The following RHOJ variants were observed in gnomAD, a reference collection of about 807,000 sequenced individuals.
The protein encoded by RHOJ is ras homolog family member J, also known as rho-related GTP-binding protein RhoJ.
RHOJ carries 11 observed loss-of-function variants against 23.4 expected under a neutral mutation model. The observed-to-expected ratio is 0.47, with a 90% CI of 0.30 to 0.78. The LOEUF is 0.78. Among genes scored for constraint, RHOJ ranks in the 30% least tolerant of loss-of-function variants. RHOJ has a pLI of 0.08. For synonymous variants in RHOJ, 102 were observed against 102.7 expected, an observed-to-expected ratio of 0.99 and a Z score of 0.04; for missense variants, 254 against 273.4, an observed-to-expected ratio of 0.93 and a Z score of 0.50.
chr14:63,210,178 T>G (rs1022495986), intron 1 of RHOJ, among the ~76,000 whole-genome samples: 1 of 152,022 alleles, frequency 6.6e-6, no homozygotes, highest in Non-Finnish European at 1.5e-5. Context: ...GCCAGGATGG[T>G]CTTGATCTCT....
intron 1 of RHOJ, among the ~76,000 whole-genome samples, chr14:63,229,611 G>A (rs1345160698): frequency 2.6e-5 from 4 of 152,068 alleles, no homozygotes; most frequent in Non-Finnish European, 5.9e-5. Context: ...TTTGACACAT[G>A]GCCCCCTCCA....
In RHOJ at chr14:63,204,695, A is replaced by C. The variant is rs1405250748; in HGVS notation, c.-175A>C. The C allele has an allele frequency of 1.6e-6, 1 of 630,966 alleles. No individual in the cohort carries two copies. Among genetic ancestry groups the C allele is most frequent in the Non-Finnish European group, 2.8e-6 (1 of 360,566 alleles). The allele number at this position is 630,966 out of a possible 1,614,324, so 39.1% of individuals were successfully genotyped here. A position where few individuals can be genotyped will look rare whatever the true frequency, so the allele number is the denominator to read the frequency against. ...CAAGTGTGTGTTACCTTTCTTTACCAGCATGGTAAGCAACAGGACATATCC... is the reference window on the plus strand; with the variant it reads ...CAAGTGTGTGTTACCTTTCTTTACCCGCATGGTAAGCAACAGGACATATCC... On this transcript the variant is annotated 5_prime_UTR_variant, in exon 1 of 5. Transcript: ENST00000316754.
intron 1 of RHOJ, among the ~76,000 whole-genome samples, chr14:63,252,556 G>A (rs1895090982): frequency 6.6e-6 from 1 of 152,090 alleles, no homozygotes; most frequent in Non-Finnish European, 1.5e-5. Flanking sequence ...TTAACCCCAA[G>A]AAAAACATCC....
chr14:63,278,912 G>A (rs1021935168), intron 2 of RHOJ, among the ~76,000 whole-genome samples: 5 of 152,166 alleles, frequency 3.3e-5, no homozygotes, highest in Non-Finnish European at 7.4e-5. Context: ...CTTGAGCCCG[G>A]CAGTCTGAAG....
chr14:63,238,504 C>T (rs1894829021), intron 1 of RHOJ, among the ~76,000 whole-genome samples: 1 of 152,152 alleles, frequency 6.6e-6, no homozygotes, highest in Non-Finnish European at 1.5e-5. Flanking sequence ...GCAACTTCTG[C>T]CTTCCAGGCT....
intron 1 of RHOJ, among the ~76,000 whole-genome samples, chr14:63,225,922 A>G (rs1468712027): frequency 6.6e-6 from 1 of 152,220 alleles, no homozygotes; most frequent in African/African-American, 2.4e-5. Context: ...GGCTTCAGGA[A>G]GAATAATGCA....
intron 2 of RHOJ, among the ~76,000 whole-genome samples, chr14:63,270,635 T>C (rs1035198968): frequency 3.9e-5 from 6 of 152,324 alleles, no homozygotes; most frequent in Middle Eastern, 3.4e-3. Context: ...AGTTGCCTGC[T>C]CTAATTCACT....
At chr14:63,219,055 A>G (rs554308058) in intron 1 of RHOJ, among the ~76,000 whole-genome samples, 15 of 152,326 alleles carry the variant, frequency 9.8e-5, no homozygotes, top group Admixed American at 5.9e-4. Context: ...CCTTTGTGAT[A>G]TCCTTACTGC....
intron 1 of RHOJ, among the ~76,000 whole-genome samples, chr14:63,255,064 G>T (rs564395463): frequency 2.4e-4 from 36 of 152,054 alleles, no homozygotes; most frequent in Non-Finnish European, 4.7e-4. Context: ...TGACCCAGGG[G>T]AGCAAGAGAA....
chr14:63,289,630 T>G (rs1435695402), intron 4 of RHOJ, among the ~76,000 whole-genome samples: 1 of 152,232 alleles, frequency 6.6e-6, no homozygotes, highest in East Asian at 1.9e-4. Flanking sequence ...GCAGGTCTCC[T>G]TCACAAGAAG....
intron 1 of RHOJ, among the ~76,000 whole-genome samples, chr14:63,263,693 C>A (rs1217698564): frequency 6.6e-6 from 1 of 152,174 alleles, no homozygotes; most frequent in Non-Finnish European, 1.5e-5. Context: ...ATCCTCCCTT[C>A]CCCCACCATT....
chr14:63,213,382 G>T (rs947832990), intron 1 of RHOJ, among the ~76,000 whole-genome samples: 1 of 152,100 alleles, frequency 6.6e-6, no homozygotes. Context: ...GAGAACTAAC[G>T]TAGTATTTGG....
intron 1 of RHOJ, among the ~76,000 whole-genome samples, chr14:63,252,419 A>C (rs1156359450): frequency 6.6e-6 from 1 of 152,224 alleles, no homozygotes; most frequent in African/African-American, 2.4e-5. Context: ...AGAACTGTCT[A>C]CTGATTCAGT....
chr14:63,286,200 C>T (rs2139668285), intron 4 of RHOJ, among the ~76,000 whole-genome samples: 1 of 152,264 alleles, frequency 6.6e-6, no homozygotes, highest in South Asian at 2.1e-4. Flanking sequence ...TCCCTTTCTC[C>T]CTTGGTCATT....
At chr14:63,260,175 T>A (rs974614454) in intron 1 of RHOJ, among the ~76,000 whole-genome samples, 1 of 152,230 alleles carries the variant, frequency 6.6e-6, no homozygotes, top group African/African-American at 2.4e-5. Context: ...AGTTTACAAC[T>A]AATACATTTT....
chr14:63,235,206 T>G (rs939219113), intron 1 of RHOJ, among the ~76,000 whole-genome samples: 5 of 145,708 alleles, frequency 3.4e-5, no homozygotes, highest in African/African-American at 1.3e-4. Flanking sequence ...TTTCCTGGAC[T>G]CCAAAAAAAA....
intron 1 of RHOJ, among the ~76,000 whole-genome samples, chr14:63,221,960 C>T (rs763817824): frequency 6.2e-4 from 91 of 146,636 alleles, no homozygotes; most frequent in Non-Finnish European, 1.2e-3. Flanking sequence ...TCTCCTAATG[C>T]TATCCCTCCC....
At chr14:63,245,951 G>A (rs1034056632) in intron 1 of RHOJ, among the ~76,000 whole-genome samples, 1 of 152,190 alleles carries the variant, frequency 6.6e-6, no homozygotes, top group African/African-American at 2.4e-5. Flanking sequence ...GGTAATGGAT[G>A]TTATTATTAG....
intron 1 of RHOJ, among the ~76,000 whole-genome samples, chr14:63,208,742 T>A (rs1678761088): frequency 6.6e-6 from 1 of 152,216 alleles, no homozygotes; most frequent in Admixed American, 6.5e-5. Context: ...ACTTAGGGTA[T>A]GCTTGATTGT....
Sources: allele counts gnomAD v4.1 joint callset (sites outside exome capture counted in the v4.1 genomes callset), GRCh38; gene constraint gnomAD v4.1.1; transcripts MANE v1.5; gene names NCBI Gene and HGNC (gene_info 2026-07-23, HGNC 2026-07-21).